The following NRG1 variants were observed in gnomAD, a reference collection of about 807,000 sequenced individuals.
NRG1 encodes the protein neuregulin 1, also known as pro-neuregulin-1, membrane-bound isoform.
Under a neutral mutation model 63.8 loss-of-function variants are expected in NRG1, and 18 were observed. The ratio of observed to expected loss-of-function variants is 0.28; its 90% CI spans 0.19 to 0.42. The LOEUF (loss-of-function observed/expected upper bound fraction) is 0.42. NRG1 is among the 10% of genes least tolerant of loss of function. The pLI is 1.00. For synonymous variants in NRG1, 302 were observed against 301.3 expected (o/e 1.00, Z -0.02); for missense variants, 762 against 814.7 (o/e 0.94, Z 0.79).
chr8:32,137,214 G>A (rs1229424320), intron 1 of NRG1, among the ~76,000 whole-genome samples: 1 of 152,168 alleles, frequency 6.6e-6, no homozygotes, highest in Non-Finnish European at 1.5e-5. Flanking sequence ...GGGAGGCCGA[G>A]GCGGGTGGAT....
intron 5 of NRG1, among the ~76,000 whole-genome samples, chr8:32,668,557 AT>A (rs1397732661): frequency 6.6e-6 from 1 of 152,196 alleles, no homozygotes. Context: ...CTCACCCAGT[AT>A]CTTGGAACTG....
rs1263291094 is a variant in NRG1 at position 32,312,659 on chromosome 8, A to C, written c.38-283169A>C. On this transcript the variant is annotated intron_variant, in intron 1 of 10. Transcript: ENST00000519301. ...CGAGAGACCGTCTTGCTCCGTTAGG[A>C]CTGCCTCCCACCTGCTAAGGGTGCT... 2.0e-5 allele frequency among the ~76,000 whole-genome samples: 3 copies of C among 151,858 alleles called. No homozygotes were observed. In the East Asian group the frequency reaches 5.8e-4, roughly 30 times the overall value.
At chr8:32,608,171 T>G (rs1312380546) in intron 3 of NRG1, among the ~76,000 whole-genome samples, 2 of 149,934 alleles carry the variant, frequency 1.3e-5, no homozygotes, top group African/African-American at 4.9e-5. Flanking sequence ...AAATGTTTTT[T>G]GTGTGTGTTT....
At chr8:32,531,928 T>C (rs1188524975) in intron 1 of NRG1, among the ~76,000 whole-genome samples, 1 of 152,126 alleles carries the variant, frequency 6.6e-6, no homozygotes, top group Non-Finnish European at 1.5e-5. Flanking sequence ...ATAACTGCAA[T>C]GTATGGACCA....
chr8:32,489,442 TAG>T (rs1826285742), intron 1 of NRG1, among the ~76,000 whole-genome samples: 1 of 152,120 alleles, frequency 6.6e-6, no homozygotes, highest in African/African-American at 2.4e-5. Context: ...CCAATTATTT[TAG>T]AGAGACAGTT....
chr8:32,097,014 C>T (rs1301107037), intron 1 of NRG1, among the ~76,000 whole-genome samples: 1 of 152,196 alleles, frequency 6.6e-6, no homozygotes, highest in Admixed American at 6.5e-5. Flanking sequence ...CTCATCCTTC[C>T]CTGCCTTCAG....
intron 1 of NRG1, among the ~76,000 whole-genome samples, chr8:32,223,765 A>G (rs1846056411): frequency 6.6e-6 from 1 of 152,166 alleles, no homozygotes; most frequent in Admixed American, 6.6e-5. Flanking sequence ...AGGAAAAAAG[A>G]GCTTAATGAA....
At chr8:31,867,127 G>A (rs982337707) in intron 1 of NRG1, among the ~76,000 whole-genome samples, 2 of 152,104 alleles carry the variant, frequency 1.3e-5, no homozygotes, top group African/African-American at 4.8e-5. Context: ...CCAGTACAGA[G>A]AACATGGTCA....
At chr8:32,700,460 A>G (rs1814558360) in intron 5 of NRG1, among the ~76,000 whole-genome samples, 1 of 152,214 alleles carries the variant, frequency 6.6e-6, no homozygotes, top group Non-Finnish European at 1.5e-5. Context: ...CCTTGAGTGT[A>G]AAGACACTTA....
chr8:32,287,016 C>CA (rs1005780041), intron 1 of NRG1: 5 of 151,952 alleles, frequency 3.3e-5, no homozygotes, highest in Middle Eastern at 3.4e-3. Flanking sequence ...CAAAACAAAA[C>CA]AAAAAAAACC....
At chr8:32,519,588 A>C (rs538781750) in intron 1 of NRG1, among the ~76,000 whole-genome samples, 1 of 152,282 alleles carries the variant, frequency 6.6e-6, no homozygotes, top group South Asian at 2.1e-4. Flanking sequence ...GGGAGATCCT[A>C]AGATAAACTA....
At chr8:32,116,798 A>G (rs1832771430) in intron 1 of NRG1, among the ~76,000 whole-genome samples, 1 of 152,140 alleles carries the variant, frequency 6.6e-6, no homozygotes, top group Admixed American at 6.6e-5. Context: ...TAATGGAACC[A>G]TATTTTGTAA....
At chr8:31,699,211 T>C (rs1056228918) in intron 1 of NRG1, among the ~76,000 whole-genome samples, 1 of 151,998 alleles carries the variant, frequency 6.6e-6, no homozygotes, top group African/African-American at 2.4e-5. Context: ...TTTTTCCTCA[T>C]TATAAAAATT....
intron 1 of NRG1, among the ~76,000 whole-genome samples, chr8:32,485,068 T>G (rs1825748797): frequency 6.6e-6 from 1 of 152,174 alleles, no homozygotes; most frequent in African/African-American, 2.4e-5. Flanking sequence ...CTTCTCTACC[T>G]GTTACTTCCT....
intron 1 of NRG1, among the ~76,000 whole-genome samples, chr8:32,553,859 G>GT (rs1461736637): frequency 6.6e-6 from 1 of 152,126 alleles, no homozygotes; most frequent in South Asian, 2.1e-4. Context: ...CACATTTCTA[G>GT]TTTTTTATTT....
intron 1 of NRG1, among the ~76,000 whole-genome samples, chr8:31,992,910 A>C (rs913038478): frequency 3.4e-4 from 51 of 152,086 alleles, no homozygotes; most frequent in Non-Finnish European, 6.8e-4. Flanking sequence ...GCTCTCTTCC[A>C]AAAAAATAAT....
intron 5 of NRG1, among the ~76,000 whole-genome samples, chr8:32,637,775 T>C (rs1293348314): frequency 6.6e-6 from 1 of 152,170 alleles, no homozygotes; most frequent in Non-Finnish European, 1.5e-5. Flanking sequence ...AGTTGTTGGG[T>C]TCTGGAGCAC....
intron 1 of NRG1, among the ~76,000 whole-genome samples, chr8:31,903,362 G>A (rs1276525860): frequency 6.6e-6 from 1 of 151,636 alleles, no homozygotes; most frequent in African/African-American, 2.4e-5. Flanking sequence ...TGTTAGCCAG[G>A]TTGGTCTTGA....
intron 5 of NRG1, among the ~76,000 whole-genome samples, chr8:32,666,998 C>G (rs1167023147): frequency 1.3e-5 from 2 of 152,202 alleles, no homozygotes; most frequent in African/African-American, 2.4e-5. Context: ...TCATACGTCA[C>G]TTAATGACAA....
Sources: gnomAD v4.1 joint callset for allele counts (sites outside exome capture counted in the v4.1 genomes callset) on GRCh38, gnomAD v4.1.1 for gene constraint, MANE v1.5 for transcripts, NCBI Gene and HGNC (gene_info 2026-07-23, HGNC 2026-07-21) for gene names.